PDGFD: variants seen among roughly 807,000 people sequenced by gnomAD.
PDGFD encodes platelet derived growth factor D.
Under a neutral mutation model 44.7 loss-of-function variants are expected in PDGFD, and 30 were observed. The observed-to-expected ratio is 0.67, with a 90% CI of 0.50 to 0.91. The LOEUF is 0.91. Ranked by LOEUF, PDGFD falls within the 40% of genes least tolerant of loss-of-function variation. PDGFD has a pLI of 0.00. For missense variants in PDGFD, 445 were observed against 457.8 expected, an observed-to-expected ratio of 0.97 and a Z score of 0.25; for synonymous variants, 173 against 168.4, an observed-to-expected ratio of 1.03 and a Z score of -0.21.
rs1041388346 is a variant in PDGFD, at chr11:104,103,462, G to GTGTA, written c.124+60341_124+60342insTACA. On this transcript the variant is annotated intron_variant, in intron 1 of 6. Transcript: ENST00000393158. ...AACAGACAATTATGTGTGTGTGTGT[G>GTGTA]TATATATATATATATATATATATAT... 1.5e-3 allele frequency among the ~76,000 whole-genome samples: 195 copies of GTGTA among 133,238 alleles called. 1 individual carries two copies. Among genetic ancestry groups the GTGTA allele is most frequent in the African/African-American group, 4.4e-3 (159 of 36,096 alleles). 87.4% of individuals were successfully genotyped at this position (133,238 alleles called of 152,430 possible).
At chr11:103,918,269 G>A (rs1858158556) in intron 6 of PDGFD, among the ~76,000 whole-genome samples, 1 of 152,210 alleles carries the variant, frequency 6.6e-6, no homozygotes, top group Non-Finnish European at 1.5e-5. Context: ...TACCTTGGAA[G>A]GGGTTGGGGT....
rs139679244 is a variant in PDGFD, at chr11:104,126,355, C to A, written c.124+37449G>T. On this transcript the variant is annotated intron_variant, in intron 1 of 6. Coordinates refer to ENST00000393158, the MANE Select transcript of PDGFD (RefSeq NM_025208.5). ...AGGGCTAGGATCTAATACTGGGACC[C>A]CATAAGCAGTAAGAAACCTCACTTC... is the stretch of plus-strand genomic sequence containing the variant. Among the ~76,000 whole-genome samples, 145 of 152,186 alleles carry A rather than the reference C, an allele frequency of 9.5e-4. 1 individual carries two copies. The highest frequency in any genetic ancestry group is 3.3e-3 in the African/African-American group (138 of 41,548).
intron 6 of PDGFD, among the ~76,000 whole-genome samples, chr11:103,926,119 C>T (rs1858311752): frequency 6.6e-6 from 1 of 152,148 alleles, no homozygotes; most frequent in Admixed American, 6.5e-5. Flanking sequence ...GGAGTCCTGG[C>T]TCTGTGATTT....
intron 1 of PDGFD, among the ~76,000 whole-genome samples, chr11:104,140,224 G>A (rs1350324846): frequency 2.0e-5 from 3 of 152,096 alleles, no homozygotes; most frequent in African/African-American, 7.2e-5. Context: ...AAATTATAAT[G>A]CCAATTAGCA....
chr11:104,000,889 GT>G (rs1369399655), intron 1 of PDGFD, among the ~76,000 whole-genome samples: 1 of 152,138 alleles, frequency 6.6e-6, no homozygotes, highest in Admixed American at 6.5e-5. Flanking sequence ...AATTTATCTG[GT>G]TTTTGTACTG....
chr11:104,142,259 A>ATG (rs1315480952), intron 1 of PDGFD, among the ~76,000 whole-genome samples: 1 of 152,112 alleles, frequency 6.6e-6, no homozygotes, highest in African/African-American at 2.4e-5. Context: ...CTATATAAAT[A>ATG]TGTGTGTGTG....
At position 103,943,498 on chromosome 11, in the gene PDGFD, G is replaced by A. The variant is rs753752561; in HGVS notation, c.726C>T (p.Asp242=). ...ATGACCTGCCTCGATACCGAGGGGT[G>A]TCCAGATACATATTCTCAAGATCTT... ...WQEDLENMYL[D]TPRYRGRSYH... The change falls in exon 5 of 7, where the codon GAC becomes GAT. Residue 242 remains aspartate (D), a synonymous_variant. Transcript: ENST00000393158. 11 of 1,613,176 alleles carry A rather than the reference G, an allele frequency of 6.8e-6. No individual in the cohort carries two copies. In the South Asian group the frequency reaches 8.8e-5, roughly 13 times the overall value.
intron 1 of PDGFD, among the ~76,000 whole-genome samples, chr11:104,078,564 C>CTTTGGT: frequency 2.1e-5 from 1 of 48,042 alleles, no homozygotes. Flanking sequence ...ATATTTGCCT[C>CTTTGGT]CTTATATTTT....
intron 1 of PDGFD, among the ~76,000 whole-genome samples, chr11:104,072,028 GCA>G (rs1860885516): frequency 6.6e-6 from 1 of 151,440 alleles, no homozygotes; most frequent in Non-Finnish European, 1.5e-5. Context: ...GTCCTCTTTT[GCA>G]TATTATTCTA....
chr11:104,137,728 C>CTTTTTTTTTTTTTTTTTTTTTTTTTTTTT (rs5794295), intron 1 of PDGFD, among the ~76,000 whole-genome samples: 1 of 76,618 alleles, frequency 1.3e-5, no homozygotes, highest in African/African-American at 4.7e-5. Context: ...TAGATCACCA[C>CTTTTTTTTTTTTTTTTTTTTTTTTTTTTT]TTTTTTTTTT....
intron 1 of PDGFD, among the ~76,000 whole-genome samples, chr11:104,013,390 G>A (rs192467975): frequency 1.6e-3 from 245 of 152,260 alleles, no homozygotes; most frequent in Non-Finnish European, 2.7e-3. Context: ...GCCATCCGTG[G>A]ATGGCAACTA....
rs963622278 is a variant in PDGFD, at chr11:103,909,038, T to C, written c.*656A>G. ...AATTTCTAAAGCACTTATATTATTATGGCATGGTTTTGGAGACAGGTTATT... is the reference window on the plus strand; with the variant it reads ...AATTTCTAAAGCACTTATATTATTACGGCATGGTTTTGGAGACAGGTTATT... On this transcript the variant is annotated 3_prime_UTR_variant, in exon 7 of 7. Transcript: ENST00000393158. 1 of 152,236 alleles carries C rather than the reference T, an allele frequency of 6.6e-6. No individual in the cohort carries two copies. Among genetic ancestry groups the C allele is most frequent in the African/African-American group, 2.4e-5 (1 of 41,458 alleles). The allele number at this position is 152,236 out of a possible 1,614,324, so 9.4% of individuals were successfully genotyped here. A position where few individuals can be genotyped will look rare whatever the true frequency, so the allele number is the denominator to read the frequency against.
chr11:104,057,654 C>T (rs1042997164), intron 1 of PDGFD, among the ~76,000 whole-genome samples: 1 of 152,116 alleles, frequency 6.6e-6, no homozygotes, highest in Admixed American at 6.5e-5. Flanking sequence ...TATACCTGCA[C>T]ATGTACCCCC....
intron 1 of PDGFD, among the ~76,000 whole-genome samples, chr11:104,017,629 C>T (rs1344392783): frequency 1.3e-5 from 2 of 152,104 alleles, no homozygotes; most frequent in Non-Finnish European, 2.9e-5. Context: ...CAAATAATAA[C>T]AGAGATGTAG....
intron 1 of PDGFD, among the ~76,000 whole-genome samples, chr11:104,051,234 A>G (rs1367063655): frequency 5.3e-5 from 8 of 152,238 alleles, no homozygotes; most frequent in Admixed American, 5.2e-4. Flanking sequence ...GCATGGAATT[A>G]GGTAGCATCT....
rs75168741 is a variant in PDGFD, at chr11:104,155,005, C to T, written c.124+8799G>A. On this transcript the variant is annotated intron_variant, in intron 1 of 6. Coordinates refer to ENST00000393158, the MANE Select transcript of PDGFD (RefSeq NM_025208.5). ...TTGATAGATGTGTTTTCTATGTTTT[C>T]ATCCAAGTTATTAAGGATTCTGAAC... Among the ~76,000 whole-genome samples, 1,214 of 152,284 alleles carry T rather than the reference C, an allele frequency of 8.0e-3. 17 individuals carry two copies. The highest frequency in any genetic ancestry group is 0.027 in the African/African-American group (1,134 of 41,548).
chr11:104,162,812 G>A (rs1862409436), intron 1 of PDGFD, among the ~76,000 whole-genome samples: 1 of 152,144 alleles, frequency 6.6e-6, no homozygotes, highest in Non-Finnish European at 1.5e-5. Context: ...TTGCTTGATG[G>A]TCTCCTTGGG....
chr11:104,119,710 TTATA>T (rs1565341146), intron 1 of PDGFD, among the ~76,000 whole-genome samples: 7 of 96,500 alleles, frequency 7.3e-5, no homozygotes, highest in African/African-American at 3.1e-4. Context: ...TCTATTAATA[TTATA>T]ATATAATATA....
intron 3 of PDGFD, among the ~76,000 whole-genome samples, chr11:103,990,201 G>C (rs948720319): frequency 6.6e-6 from 1 of 152,166 alleles, no homozygotes; most frequent in African/African-American, 2.4e-5. Flanking sequence ...CTTCCTTTCA[G>C]CAGCCTGAAT....
Sources: gnomAD v4.1 joint callset for allele counts (sites outside exome capture counted in the v4.1 genomes callset) on GRCh38, gnomAD v4.1.1 for gene constraint, MANE v1.5 for transcripts, NCBI Gene and HGNC (gene_info 2026-07-23, HGNC 2026-07-21) for gene names.